The following HMBOX1 variants were observed in gnomAD, a reference collection of about 807,000 sequenced individuals.
The protein encoded by HMBOX1 is homeobox containing 1, also known as homeobox-containing protein 1.
HMBOX1 carries 14 observed loss-of-function variants against 54.5 expected under a neutral mutation model. The ratio of observed to expected loss-of-function variants is 0.26; its 90% CI spans 0.17 to 0.40. The LOEUF (loss-of-function observed/expected upper bound fraction) is 0.40, where lower values mean the gene tolerates loss of function less well. Among genes scored for constraint, HMBOX1 ranks in the 10% least tolerant of loss-of-function variants. The pLI is 1.00. For synonymous variants in HMBOX1, 160 were observed against 181.0 expected (o/e 0.88, Z 0.93); for missense variants, 332 against 514.4 (o/e 0.65, Z 3.43).
intron 1 of HMBOX1, among the ~76,000 whole-genome samples, chr8:28,906,595 T>C (rs540199515): frequency 5.6e-4 from 86 of 152,278 alleles, no homozygotes; most frequent in African/African-American, 1.9e-3. Context: ...TTATTATTAT[T>C]ATCATTATTT....
intron 4 of HMBOX1, among the ~76,000 whole-genome samples, chr8:29,002,351 G>A (rs191003933): frequency 6.5e-4 from 99 of 152,302 alleles, no homozygotes; most frequent in African/African-American, 2.0e-3. Flanking sequence ...AAGGCAGAAG[G>A]TGTAATGTCT....
At chr8:28,995,055 C>T (rs932621832) in intron 4 of HMBOX1, among the ~76,000 whole-genome samples, 20 of 152,248 alleles carry the variant, frequency 1.3e-4, no homozygotes, top group African/African-American at 4.1e-4. Flanking sequence ...CCTTAAAACA[C>T]ACACCAAGTC....
At chr8:29,042,502 G>T in intron 6 of HMBOX1, 2 of 379,388 alleles carry the variant, frequency 5.3e-6, no homozygotes, top group Middle Eastern at 9.2e-4. Flanking sequence ...GGTAAGTGGG[G>T]CAGGAGATGG....
chr8:28,976,273 T>A (rs542928544), intron 3 of HMBOX1, among the ~76,000 whole-genome samples: 6 of 152,146 alleles, frequency 3.9e-5, no homozygotes, highest in East Asian at 1.9e-4. Context: ...TTTTACAATT[T>A]AAAAAAAAAT....
chr8:28,921,335 C>T (rs1252665875), intron 1 of HMBOX1, among the ~76,000 whole-genome samples: 2 of 152,170 alleles, frequency 1.3e-5, no homozygotes, highest in Admixed American at 1.3e-4. Context: ...GACCCTGTCT[C>T]AATCATACCT....
At chr8:28,926,282 G>GATATAT (rs111417034) in intron 1 of HMBOX1, among the ~76,000 whole-genome samples, 8 of 145,602 alleles carry the variant, frequency 5.5e-5, no homozygotes, top group Non-Finnish European at 1.0e-4. Flanking sequence ...ATTCATGGCA[G>GATATAT]ATATATATAT....
intron 1 of HMBOX1, among the ~76,000 whole-genome samples, chr8:28,909,767 A>G (rs1474710920): frequency 3.0e-4 from 46 of 152,226 alleles, no homozygotes; most frequent in Admixed American, 3.0e-3. Flanking sequence ...TTGGTGTAAA[A>G]TTCATCTGTA....
intron 6 of HMBOX1, among the ~76,000 whole-genome samples, chr8:29,039,785 T>C (rs1381388461): frequency 6.6e-6 from 1 of 152,186 alleles, no homozygotes; most frequent in Admixed American, 6.5e-5. Flanking sequence ...AATTCAGATA[T>C]GTACATAATG....
intron 1 of HMBOX1, among the ~76,000 whole-genome samples, chr8:28,896,389 G>GT (rs1340199113): frequency 7.6e-6 from 1 of 131,334 alleles, no homozygotes; most frequent in Non-Finnish European, 1.8e-5. Context: ...CAGGTGTGTA[G>GT]ATTGCATAAT....
At chr8:29,024,978 G>T (rs1168144092) in intron 6 of HMBOX1, among the ~76,000 whole-genome samples, 1 of 149,684 alleles carries the variant, frequency 6.7e-6, no homozygotes, top group South Asian at 2.1e-4. Flanking sequence ...CCCCCACCCC[G>T]TCGGTGGAAA....
At chr8:29,047,564 CT>C (rs33978272) in intron 8 of HMBOX1, 111 bp downstream of exon 8, 69,452 of 306,870 alleles carry the variant, frequency 0.23, 2,261 homozygotes, top group African/African-American at 0.29. Context: ...CCTAACTTCT[CT>C]TTTTTTTTTT....
At chr8:28,954,394 A>G (rs538690868) in intron 1 of HMBOX1, among the ~76,000 whole-genome samples, 26 of 152,130 alleles carry the variant, frequency 1.7e-4, no homozygotes, top group Admixed American at 8.5e-4. Context: ...ATCCCCCATC[A>G]TCTCTCCCAA....
At chr8:28,937,618 G>A (rs555055664) in intron 1 of HMBOX1, among the ~76,000 whole-genome samples, 143 of 152,194 alleles carry the variant, frequency 9.4e-4, no homozygotes, top group Non-Finnish European at 1.8e-3. Context: ...TGTATCTTCC[G>A]TAATATTTTG....
chr8:28,993,379 T>C (rs1831286599), intron 4 of HMBOX1, among the ~76,000 whole-genome samples: 1 of 152,196 alleles, frequency 6.6e-6, no homozygotes, highest in Admixed American at 6.5e-5. Context: ...TATAGAAATA[T>C]TTGCTTATGT....
At chr8:29,023,120 G>C (rs1450782513) in intron 6 of HMBOX1, among the ~76,000 whole-genome samples, 1 of 151,984 alleles carries the variant, frequency 6.6e-6, no homozygotes, top group Admixed American at 6.5e-5. Flanking sequence ...AGCTAGATAG[G>C]TATAGATATA....
At chr8:28,913,840 T>C (rs184850026) in intron 1 of HMBOX1, among the ~76,000 whole-genome samples, 2 of 149,878 alleles carry the variant, frequency 1.3e-5, no homozygotes, top group East Asian at 2.0e-4. Flanking sequence ...CTCCACCTCC[T>C]GGGTTCAAGT....
At chr8:28,942,461 C>T (rs1821611783) in intron 1 of HMBOX1, among the ~76,000 whole-genome samples, 1 of 152,184 alleles carries the variant, frequency 6.6e-6, no homozygotes, top group Non-Finnish European at 1.5e-5. Flanking sequence ...GGGACAGTCT[C>T]CTTACTGCCC....
rs1290235773 is a variant in HMBOX1, at chr8:28,913,709, A to G, written c.-58+23031A>G. On this transcript the variant is annotated intron_variant, in intron 1 of 9. Coordinates refer to ENST00000287701, the MANE Select transcript of HMBOX1 (RefSeq NM_001135726.3). Reference sequence around the variant, plus strand: ...TCTTGACTCATAGTAAATGCTTAGTAACGTCTGCTAAGTGAATAGAGATCC... The same window carrying G: ...TCTTGACTCATAGTAAATGCTTAGTGACGTCTGCTAAGTGAATAGAGATCC... 5.9e-5 allele frequency among the ~76,000 whole-genome samples: 9 copies of G among 152,146 alleles called. No homozygotes were observed. In the South Asian group the frequency reaches 1.9e-3, roughly 32 times the overall value.
At chr8:29,049,133 T>TG (rs770649684) in intron 9 of HMBOX1, 85 bp downstream of exon 9, 1 of 1,432,446 alleles carries the variant, frequency 7.0e-7, no homozygotes, top group South Asian at 1.2e-5. Flanking sequence ...GTGTGGCTGA[T>TG]GGGGTGGGGG....
Sources: allele counts gnomAD v4.1 joint callset (sites outside exome capture counted in the v4.1 genomes callset), GRCh38; gene constraint gnomAD v4.1.1; transcripts MANE v1.5; gene names NCBI Gene and HGNC (gene_info 2026-07-23, HGNC 2026-07-21).